The following ZC3H12B variants were observed in gnomAD, a reference collection of about 807,000 sequenced individuals.
ZC3H12B encodes the protein probable ribonuclease ZC3H12B.
ZC3H12B carries 7 observed loss-of-function variants against 43.9 expected under a neutral mutation model. The ratio of observed to expected loss-of-function variants is 0.16; its 90% CI spans 0.09 to 0.30. The LOEUF (loss-of-function observed/expected upper bound fraction) is 0.30. Ranked by LOEUF, ZC3H12B falls within the 10% of genes least tolerant of loss-of-function variation. The pLI is 1.00. For synonymous variants in ZC3H12B, 222 were observed against 241.7 expected (o/e 0.92, Z 0.76); for missense variants, 475 against 670.2 (o/e 0.71, Z 3.22).
intron 3 of ZC3H12B, among the ~76,000 whole-genome samples, chrX:65,482,099 A>C (rs764237485): frequency 1.8e-5 from 2 of 112,184 alleles, no homozygotes; most frequent in East Asian, 5.6e-4. Flanking sequence ...GTTAAATTGG[A>C]GAGAATCAAG....
In ZC3H12B at chrX:65,475,446, T is replaced by G. The variant is rs767836435; in HGVS notation, n.408-13200T>G. ...TAGTATTCTTTGATGGCAGTTTTTT[T>G]TTTTTCTTTCAGGACTTTGAATATA... On this transcript the variant is annotated intron_variant and non_coding_transcript_variant, in intron 3 of 5. Coordinates refer to the ZC3H12B transcript ENST00000617377. Among the ~76,000 whole-genome samples, 12 of 111,351 alleles carry G rather than the reference T, an allele frequency of 1.1e-4. No homozygotes were observed. The East Asian group carries it at 3.4e-3, about 31-fold the overall frequency.
intron 3 of ZC3H12B, among the ~76,000 whole-genome samples, chrX:65,473,284 G>A (rs1307389308): frequency 9.1e-6 from 1 of 109,823 alleles, no homozygotes; most frequent in East Asian, 2.9e-4. Context: ...CCAAAGTGCT[G>A]GGATCACAGG....
the ZC3H12B span, among the ~76,000 whole-genome samples, chrX:65,170,258 G>T: frequency 2.7e-5 from 3 of 111,464 alleles, no homozygotes; most frequent in Non-Finnish European, 5.6e-5. Context: ...GCACTTGTTT[G>T]TCTGTAAAGT....
chrX:65,084,372 A>G, the ZC3H12B span, among the ~76,000 whole-genome samples: 1 of 112,121 alleles, frequency 8.9e-6, no homozygotes, highest in Non-Finnish European at 1.9e-5. Context: ...CAAGGGATTA[A>G]TAAGCAGAAT....
the ZC3H12B span, among the ~76,000 whole-genome samples, chrX:65,041,501 T>C: frequency 8.9e-6 from 1 of 112,081 alleles, no homozygotes; most frequent in South Asian, 3.7e-4. Flanking sequence ...CCATTAACTG[T>C]ATTGGGCTGT....
At chrX:65,204,145 T>G in the ZC3H12B span, among the ~76,000 whole-genome samples, 34 of 110,814 alleles carry the variant, frequency 3.1e-4, no homozygotes, top group Non-Finnish European at 5.1e-4. Flanking sequence ...AAAACTGTAT[T>G]TTCTACCCTC....
intron 2 of ZC3H12B, among the ~76,000 whole-genome samples, chrX:65,376,046 G>A (rs1046370949): frequency 8.9e-6 from 1 of 112,022 alleles, no homozygotes; most frequent in African/African-American, 3.2e-5. Flanking sequence ...GACGTGCCTT[G>A]GGCCAAAATG....
the ZC3H12B span, among the ~76,000 whole-genome samples, chrX:65,203,237 G>T: frequency 3.6e-5 from 4 of 112,012 alleles, no homozygotes; most frequent in African/African-American, 1.3e-4. Context: ...TCCACCTCTG[G>T]TACCTAAGGC....
chrX:65,120,185 A>C, the ZC3H12B span, among the ~76,000 whole-genome samples: 1 of 112,119 alleles, frequency 8.9e-6, no homozygotes, highest in African/African-American at 3.2e-5. Flanking sequence ...TCTGTGAAGA[A>C]AGTCATTGGT....
At chrX:65,319,769 A>T in the ZC3H12B span, among the ~76,000 whole-genome samples, 2 of 111,938 alleles carry the variant, frequency 1.8e-5, no homozygotes, top group African/African-American at 6.5e-5. Flanking sequence ...TAGGAACAAC[A>T]TACACAAATC....
chrX:65,136,512 G>A, the ZC3H12B span, among the ~76,000 whole-genome samples: 1 of 111,167 alleles, frequency 9.0e-6, no homozygotes, highest in Non-Finnish European at 1.9e-5. Flanking sequence ...TTGCTTGCAT[G>A]GTTTGGGGTA....
At chrX:65,219,449 A>G in the ZC3H12B span, among the ~76,000 whole-genome samples, 1 of 111,601 alleles carries the variant, frequency 9.0e-6, no homozygotes, top group Non-Finnish European at 1.9e-5. Context: ...GAAATAGATA[A>G]CATAAATTTA....
At chrX:65,113,118 C>T in the ZC3H12B span, among the ~76,000 whole-genome samples, 368 of 110,863 alleles carry the variant, frequency 3.3e-3, 1 homozygote, top group African/African-American at 0.011. Context: ...TGGAGGAAGC[C>T]ACTGTTGATG....
the ZC3H12B span, among the ~76,000 whole-genome samples, chrX:65,065,764 A>C: frequency 9.1e-6 from 1 of 110,185 alleles, no homozygotes; most frequent in Admixed American, 9.7e-5. Context: ...TCTCTTTGTC[A>C]GTTTTAGGTA....
chrX:65,419,060 T>C (rs755994954), intron 3 of ZC3H12B, among the ~76,000 whole-genome samples: 91 of 111,119 alleles, frequency 8.2e-4, no homozygotes, highest in Non-Finnish European at 1.1e-3. Flanking sequence ...AGTCAGGTGA[T>C]TAATGAAGTT....
chrX:65,329,931 A>G, the ZC3H12B span, among the ~76,000 whole-genome samples: 4 of 111,897 alleles, frequency 3.6e-5, no homozygotes, highest in East Asian at 8.4e-4. Flanking sequence ...TACCAGTACC[A>G]TGCTGTTTTG....
chrX:65,254,696 C>T, the ZC3H12B span, among the ~76,000 whole-genome samples: 1 of 112,144 alleles, frequency 8.9e-6, no homozygotes. Flanking sequence ...TGAGCAATGA[C>T]TCTTAACCAG....
the ZC3H12B span, among the ~76,000 whole-genome samples, chrX:65,188,178 T>C: frequency 9.0e-6 from 1 of 111,566 alleles, no homozygotes; most frequent in Non-Finnish European, 1.9e-5. Context: ...ATTGTGTATA[T>C]GAAACACATT....
intron 3 of ZC3H12B, among the ~76,000 whole-genome samples, chrX:65,471,915 G>C (rs1440697239): frequency 2.7e-5 from 3 of 111,768 alleles, no homozygotes; most frequent in Admixed American, 1.9e-4. Context: ...TATAGGACCT[G>C]TGAGTTTTAT....
Sources: gnomAD v4.1 joint callset for allele counts (sites outside exome capture counted in the v4.1 genomes callset) on GRCh38, gnomAD v4.1.1 for gene constraint, MANE v1.5 for transcripts, NCBI Gene and HGNC (gene_info 2026-07-23, HGNC 2026-07-21) for gene names.